The following RSRC1 variants were observed in gnomAD, a reference collection of about 807,000 sequenced individuals.
RSRC1 encodes the protein arginine and serine rich coiled-coil 1.
In RSRC1, 39 loss-of-function variants were observed where a neutral mutation model predicts 49.1. The ratio of observed to expected loss-of-function variants is 0.79; its 90% confidence interval spans 0.61 to 1.04. The LOEUF (loss-of-function observed/expected upper bound fraction) is 1.04, where lower values mean the gene tolerates loss of function less well. Among genes scored for constraint, RSRC1 ranks in the 50% least tolerant of loss-of-function variants. The pLI is 0.00. For missense variants in RSRC1, 388 were observed against 402.4 expected, an observed-to-expected ratio of 0.96 and a Z score of 0.31; for synonymous variants, 143 against 130.8, an observed-to-expected ratio of 1.09 and a Z score of -0.63.
intron 5 of RSRC1, among the ~76,000 whole-genome samples, chr3:158,327,706 C>A (rs1193102710): frequency 6.6e-6 from 1 of 152,052 alleles, no homozygotes; most frequent in Non-Finnish European, 1.5e-5. Flanking sequence ...AATGTATATT[C>A]TGTTGATTTG....
chr3:158,468,870 G>A (rs1338576316), intron 7 of RSRC1, among the ~76,000 whole-genome samples: 6 of 151,980 alleles, frequency 3.9e-5, no homozygotes, highest in African/African-American at 1.4e-4. Context: ...TAAATCACAA[G>A]GCTAAACAGT....
chr3:158,201,365 G>T (rs1352021559), intron 3 of RSRC1, among the ~76,000 whole-genome samples: 2 of 151,898 alleles, frequency 1.3e-5, no homozygotes, highest in Non-Finnish European at 1.5e-5. Context: ...TACTTGGTTT[G>T]TTGAACTTCT....
chr3:158,415,970 C>T (rs1734716256), intron 6 of RSRC1, among the ~76,000 whole-genome samples: 1 of 151,770 alleles, frequency 6.6e-6, no homozygotes, highest in South Asian at 2.1e-4. Flanking sequence ...CTAGACTTAT[C>T]TTTTTGTGTG....
At chr3:158,350,182 T>TC (rs1401009163) in intron 5 of RSRC1, among the ~76,000 whole-genome samples, 2 of 146,636 alleles carry the variant, frequency 1.4e-5, no homozygotes, top group Non-Finnish European at 3.0e-5. Context: ...ATATATAATT[T>TC]TTTTTTTTTT....
intron 6 of RSRC1, among the ~76,000 whole-genome samples, chr3:158,459,768 T>C (rs944878111): frequency 2.6e-5 from 4 of 152,094 alleles, no homozygotes; most frequent in Admixed American, 2.6e-4. Flanking sequence ...TCTAAGTATA[T>C]ATAAAAGCTT....
chr3:158,410,658 A>G (rs920596888), intron 6 of RSRC1, among the ~76,000 whole-genome samples: 2 of 152,112 alleles, frequency 1.3e-5, no homozygotes, highest in Non-Finnish European at 2.9e-5. Flanking sequence ...GTCTATCTCT[A>G]TCATCTATCT....
intron 5 of RSRC1, among the ~76,000 whole-genome samples, chr3:158,344,871 T>C (rs1449523788): frequency 6.6e-6 from 1 of 152,120 alleles, no homozygotes; most frequent in Non-Finnish European, 1.5e-5. Flanking sequence ...AGAAATGGTA[T>C]AATGAAGAGT....
chr3:158,229,681 G>A (rs1175636036), intron 4 of RSRC1, among the ~76,000 whole-genome samples: 3 of 151,748 alleles, frequency 2.0e-5, no homozygotes, highest in Admixed American at 2.0e-4. Context: ...TAACAAAGAA[G>A]TTGCAAGAAG....
At chr3:158,314,974 G>A (rs997767679) in intron 5 of RSRC1, among the ~76,000 whole-genome samples, 2 of 151,538 alleles carry the variant, frequency 1.3e-5, no homozygotes, top group Admixed American at 1.3e-4. Flanking sequence ...AGAGGTTGCC[G>A]TGAGCCAAGA....
At chr3:158,225,807 C>A in intron 4 of RSRC1, 1 of 379,428 alleles carries the variant, frequency 2.6e-6, no homozygotes, top group South Asian at 2.1e-5. Context: ...AAAATAAGGA[C>A]TACTTGATAG....
At chr3:158,118,462 T>TGTGTGCGTGC (rs1491469875) in intron 1 of RSRC1, among the ~76,000 whole-genome samples, 2 of 124,682 alleles carry the variant, frequency 1.6e-5, no homozygotes, top group African/African-American at 6.6e-5. Flanking sequence ...TGTGTGTGTG[T>TGTGTGCGTGC]GCGCGTGCGC....
intron 3 of RSRC1, among the ~76,000 whole-genome samples, chr3:158,138,717 G>A (rs1271241682): frequency 6.6e-6 from 1 of 152,040 alleles, no homozygotes; most frequent in African/African-American, 2.4e-5. Flanking sequence ...AGAAAATAAT[G>A]TTTCCTATAT....
chr3:158,283,222 A>G (rs1726282432), intron 4 of RSRC1, among the ~76,000 whole-genome samples: 1 of 152,192 alleles, frequency 6.6e-6, no homozygotes, highest in Admixed American at 6.5e-5. Flanking sequence ...ATTATAGACA[A>G]CAGGAAAAAT....
chr3:158,169,033 TC>T (rs1383399074), intron 3 of RSRC1, among the ~76,000 whole-genome samples: 6 of 152,034 alleles, frequency 3.9e-5, no homozygotes, highest in Non-Finnish European at 8.8e-5. Flanking sequence ...CCATTAGACT[TC>T]CTTCCCTAAG....
chr3:158,519,632 A>G (rs536077912), intron 7 of RSRC1, among the ~76,000 whole-genome samples: 32 of 152,160 alleles, frequency 2.1e-4, no homozygotes, highest in Non-Finnish European at 4.1e-4. Flanking sequence ...GCCAGATTAT[A>G]CCAGCCTTCG....
At chr3:158,491,183 T>C (rs1739069965) in intron 7 of RSRC1, among the ~76,000 whole-genome samples, 1 of 152,224 alleles carries the variant, frequency 6.6e-6, no homozygotes, top group East Asian at 1.9e-4. Context: ...TACTAGGAAA[T>C]AGCCCAGAAG....
chr3:158,252,387 G>T (rs538146089), intron 4 of RSRC1, among the ~76,000 whole-genome samples: 5 of 151,282 alleles, frequency 3.3e-5, no homozygotes, highest in African/African-American at 9.7e-5. Flanking sequence ...GGATGGTCTC[G>T]ATCTCCTGAC....
intron 5 of RSRC1, among the ~76,000 whole-genome samples, chr3:158,311,849 CAGTT>C (rs528678186): frequency 2.0e-4 from 30 of 152,018 alleles, no homozygotes; most frequent in East Asian, 1.2e-3. Context: ...TTTTATGTGT[CAGTT>C]AGACCTCAGT....
At chr3:158,287,740 T>C (rs537235558) in intron 4 of RSRC1, among the ~76,000 whole-genome samples, 2 of 152,304 alleles carry the variant, frequency 1.3e-5, no homozygotes, top group South Asian at 4.1e-4. Flanking sequence ...AGAAAAATAA[T>C]TGTATTTGTG....
Sources: allele counts gnomAD v4.1 joint callset (sites outside exome capture counted in the v4.1 genomes callset), GRCh38; gene constraint gnomAD v4.1.1; transcripts MANE v1.5; gene names NCBI Gene and HGNC (gene_info 2026-07-23, HGNC 2026-07-21).